Variants in LPP observed in about 807,000 individuals in gnomAD.
The protein encoded by LPP is lipoma-preferred partner.
In LPP, 38 loss-of-function variants were observed where a neutral mutation model predicts 60.4. The observed-to-expected ratio is 0.63, with a 90% CI of 0.49 to 0.83. LPP has a LOEUF of 0.83. Among genes scored for constraint, LPP ranks in the 40% least tolerant of loss-of-function variants. LPP has a pLI of 0.00. For missense variants in LPP, 902 were observed against 783.6 expected, an observed-to-expected ratio of 1.15 and a Z score of -1.80; for synonymous variants, 328 against 290.8, an observed-to-expected ratio of 1.13 and a Z score of -1.30.
chr3:188,843,744 G>A (rs867474996), intron 9 of LPP, among the ~76,000 whole-genome samples: 2 of 132,866 alleles, frequency 1.5e-5, no homozygotes, highest in East Asian at 2.2e-4. Context: ...CCGAGATCGC[G>A]CCACTGCACT....
rs962964072 is a variant in LPP at position 188,735,506 on chromosome 3, C to T, written c.1241-24607C>T. Among the ~76,000 whole-genome samples the T allele has an allele frequency of 4.6e-5, 7 of 151,900 alleles. No individual in the cohort carries two copies. In the East Asian group the frequency reaches 5.8e-4, roughly 13 times the overall value. On this transcript the variant is annotated intron_variant, in intron 8 of 11. Transcript: ENST00000617246. ...AAGCAATTCTCCTGCCTCAGCCTCCCGAGTAGCTGGGATTACAGGAGCCTG... is the reference window on the plus strand; with the variant it reads ...AAGCAATTCTCCTGCCTCAGCCTCCTGAGTAGCTGGGATTACAGGAGCCTG...
At chr3:188,258,182 T>A (rs1474498793) in intron 2 of LPP, among the ~76,000 whole-genome samples, 3 of 152,230 alleles carry the variant, frequency 2.0e-5, no homozygotes, top group Admixed American at 2.0e-4. Context: ...TGATTAGGGA[T>A]TATTGTGATA....
chr3:188,692,785 C>T (rs1862408383), intron 7 of LPP, among the ~76,000 whole-genome samples: 1 of 152,154 alleles, frequency 6.6e-6, no homozygotes, highest in Non-Finnish European at 1.5e-5. Context: ...GTGTTAGAAG[C>T]TTGCTAGGTT....
chr3:188,746,315 A>G lies in LPP; in HGVS notation c.1241-13798A>G, dbSNP rs1278373306. Among the ~76,000 whole-genome samples, 3 of 152,176 alleles carry G rather than the reference A, an allele frequency of 2.0e-5. No individual in the cohort carries two copies. The East Asian group carries it at 5.8e-4, about 29-fold the overall frequency. On this transcript the variant is annotated intron_variant, in intron 8 of 11. Transcript: ENST00000617246. Reference sequence around the variant, plus strand: ...AGGGAACTGTTTAAATATAGTCCATATGGGAAAAGTAACCTCAACATGTTG... The same window carrying G: ...AGGGAACTGTTTAAATATAGTCCATGTGGGAAAAGTAACCTCAACATGTTG...
chr3:188,474,020 G>A (rs1301745116), intron 4 of LPP, among the ~76,000 whole-genome samples: 1 of 152,188 alleles, frequency 6.6e-6, no homozygotes, highest in Non-Finnish European at 1.5e-5. Flanking sequence ...CTAGCTGTTG[G>A]TATCATGAAG....
At chr3:188,401,166 C>T (rs1367363349) in intron 3 of LPP, among the ~76,000 whole-genome samples, 2 of 152,188 alleles carry the variant, frequency 1.3e-5, no homozygotes, top group Non-Finnish European at 2.9e-5. Flanking sequence ...TTGGATCCAT[C>T]CTACATGATT....
chr3:188,814,374 G>A (rs1245140970), intron 9 of LPP, among the ~76,000 whole-genome samples: 1 of 152,162 alleles, frequency 6.6e-6, no homozygotes. Context: ...TTCAGAAGTA[G>A]AGGTGAAGAT....
chr3:188,195,372 A>G (rs1223505089), intron 1 of LPP, among the ~76,000 whole-genome samples: 5 of 152,218 alleles, frequency 3.3e-5, no homozygotes, highest in African/African-American at 1.2e-4. Flanking sequence ...TATACCAAGG[A>G]TCTACTCATA....
rs574456696 is a variant in LPP, at chr3:188,874,566, G to A, written c.*87G>A. 11 of 1,428,280 alleles carry A rather than the reference G, an allele frequency of 7.7e-6. No homozygotes were observed. Among genetic ancestry groups the A allele is most frequent in the African/African-American group, 1.4e-5 (1 of 71,098 alleles). The allele number at this position is 1,428,280 out of a possible 1,614,324, so 88.5% of individuals were successfully genotyped here. On this transcript the variant is annotated 3_prime_UTR_variant, in exon 12 of 12. Coordinates refer to ENST00000617246, the MANE Select transcript of LPP (RefSeq NM_001375462.1). ...TAGAGTAAAGGCCATCAAACTACGC[G>A]ATAGTCTCTGTTCTTCATCTGCTAT...
intron 4 of LPP, among the ~76,000 whole-genome samples, chr3:188,445,301 A>G (rs1794962600): frequency 6.6e-6 from 1 of 152,172 alleles, no homozygotes; most frequent in African/African-American, 2.4e-5. Context: ...ATGGAATACT[A>G]TGCAGCCATA....
At chr3:188,713,587 A>G (rs981647377) in intron 8 of LPP, among the ~76,000 whole-genome samples, 7 of 152,172 alleles carry the variant, frequency 4.6e-5, no homozygotes, top group African/African-American at 1.7e-4. Context: ...ATTTTGAAAT[A>G]TTGATAGAGT....
intron 2 of LPP, among the ~76,000 whole-genome samples, chr3:188,337,284 G>T (rs1258302112): frequency 6.6e-6 from 1 of 152,204 alleles, no homozygotes; most frequent in Non-Finnish European, 1.5e-5. Context: ...CAGTAGCTGC[G>T]CAGGCCACAG....
chr3:188,554,839 G>A (rs1829081530), intron 6 of LPP, among the ~76,000 whole-genome samples: 1 of 152,072 alleles, frequency 6.6e-6, no homozygotes, highest in Non-Finnish European at 1.5e-5. Flanking sequence ...CTTATTGGGT[G>A]GCAAGCTGTC....
chr3:188,886,719 AACACACACACACACACATACACAC>A lies in LPP; in HGVS notation c.*12258_*12281del, dbSNP rs554926068. 2.6e-5 allele frequency: 4 copies of A among 153,728 alleles called. No homozygotes were observed. Among genetic ancestry groups the A allele is most frequent in the Non-Finnish European group, 4.7e-5 (4 of 84,716 alleles). The allele number at this position is 153,728 out of a possible 1,614,324, so 9.5% of individuals were successfully genotyped here. A position where few individuals can be genotyped will look rare whatever the true frequency, so the allele number is the denominator to read the frequency against. On this transcript the variant is annotated 3_prime_UTR_variant, in exon 12 of 12. Transcript: ENST00000617246. Reference sequence around the variant, plus strand: ...GATCATACAATTGTATTGTCTTCAAAACACACACACACACACATACACACACACACACACACACACACACACCCC... The same window carrying A: ...GATCATACAATTGTATTGTCTTCAAAACACACACACACACACACACACCCC...
At chr3:188,700,293 G>A (rs537027334) in intron 7 of LPP, among the ~76,000 whole-genome samples, 24 of 152,098 alleles carry the variant, frequency 1.6e-4, no homozygotes, top group Non-Finnish European at 3.4e-4. Flanking sequence ...ATGTAACAAA[G>A]AAATCAACAG....
At chr3:188,287,239 C>T (rs548355967) in intron 2 of LPP, among the ~76,000 whole-genome samples, 1 of 152,356 alleles carries the variant, frequency 6.6e-6, no homozygotes, top group Non-Finnish European at 1.5e-5. Context: ...CCACCAGCCT[C>T]ATATCTCCCT....
At chr3:188,505,076 A>C (rs1813063149) in intron 5 of LPP, among the ~76,000 whole-genome samples, 1 of 152,100 alleles carries the variant, frequency 6.6e-6, no homozygotes, top group Non-Finnish European at 1.5e-5. Flanking sequence ...CTGAGATGTA[A>C]ACTTTACCTA....
chr3:188,783,123 A>G (rs1029918691), intron 9 of LPP, among the ~76,000 whole-genome samples: 5 of 151,832 alleles, frequency 3.3e-5, no homozygotes, highest in African/African-American at 1.2e-4. Flanking sequence ...ATCCTACCCA[A>G]TGGGATTCTT....
chr3:188,299,286 C>T (rs570511838), intron 2 of LPP, among the ~76,000 whole-genome samples: 16 of 152,224 alleles, frequency 1.1e-4, no homozygotes, highest in Admixed American at 4.6e-4. Flanking sequence ...CTGGGGAGCA[C>T]GTCGTCAGTA....
Sources: gnomAD v4.1 joint callset for allele counts (sites outside exome capture counted in the v4.1 genomes callset) on GRCh38, gnomAD v4.1.1 for gene constraint, MANE v1.5 for transcripts, NCBI Gene and HGNC (gene_info 2026-07-23, HGNC 2026-07-21) for gene names.